The following GNAL variants were observed in gnomAD, a reference collection of about 807,000 sequenced individuals.
GNAL encodes the protein guanine nucleotide-binding protein G(olf) subunit alpha.
A neutral mutation model predicts 55.1 loss-of-function variants in GNAL; 18 were observed. The ratio of observed to expected loss-of-function variants is 0.33; its 90% CI spans 0.23 to 0.48. The LOEUF (loss-of-function observed/expected upper bound fraction) is 0.48, where lower values mean the gene tolerates loss of function less well. Among genes scored for constraint, GNAL ranks in the 20% least tolerant of loss-of-function variants. The pLI is 0.99. For missense variants in GNAL, 412 were observed against 614.1 expected, an observed-to-expected ratio of 0.67 and a Z score of 3.48; for synonymous variants, 253 against 237.0, an observed-to-expected ratio of 1.07 and a Z score of -0.62.
intron 1 of GNAL, among the ~76,000 whole-genome samples, chr18:11,726,302 T>A (rs2032210060): frequency 6.6e-6 from 1 of 152,236 alleles, no homozygotes; most frequent in African/African-American, 2.4e-5. Context: ...TGGTGAACAA[T>A]AATTCACCAT....
In GNAL at chr18:11,689,920, G is replaced by A. The variant is rs747999584; in HGVS notation, c.357G>A (p.Thr119=). The A allele has an allele frequency of 1.4e-6, 2 of 1,427,222 alleles. No homozygotes were observed. Among genetic ancestry groups the A allele is most frequent in the East Asian group, 3.0e-5 (1 of 33,044 alleles). The allele number at this position is 1,427,222 out of a possible 1,614,324, so 88.4% of individuals were successfully genotyped here. A position where few individuals can be genotyped will look rare whatever the true frequency, so the allele number is the denominator to read the frequency against. The change falls in exon 1 of 12, where the codon ACG becomes ACA. Residue 119 remains threonine (T), a synonymous_variant. Coordinates refer to ENST00000334049, the MANE Select transcript of GNAL (RefSeq NM_182978.4). ...ACCAGAAGCGCGACCTGCAGCAGAC[G>A]CACCGGCTCCTGCTGCTCGGTAGGT... ...LRDQKRDLQQ[T]HRLLLLGAGE...
intron 1 of GNAL, 135 bp downstream of exon 1, chr18:11,690,074 CCGGACGGGCGGCGGGCG>C (rs1598395176): frequency 2.3e-6 from 1 of 434,822 alleles, no homozygotes. Context: ...GGGACTGGAC[CCGGACGGGCGGCGGGCG>C]CGGACGGGCT....
chr18:11,704,836 A>C (rs1009167042), intron 1 of GNAL, among the ~76,000 whole-genome samples: 4 of 152,014 alleles, frequency 2.6e-5, no homozygotes, highest in African/African-American at 9.7e-5. Context: ...CATACAGAAA[A>C]CAGCACATAT....
At chr18:11,796,741 T>C (rs565237195) in intron 4 of GNAL, among the ~76,000 whole-genome samples, 75 of 152,304 alleles carry the variant, frequency 4.9e-4, no homozygotes, top group African/African-American at 1.7e-3. Context: ...AAACCTGCTT[T>C]TTAAACTTAT....
At chr18:11,878,876 A>G (rs2036592404) in intron 11 of GNAL, among the ~76,000 whole-genome samples, 1 of 150,956 alleles carries the variant, frequency 6.6e-6, no homozygotes. Context: ...CCAAAAGCCT[A>G]TTTTTCATCC....
At chr18:11,738,247 C>T (rs879613831) in intron 1 of GNAL, among the ~76,000 whole-genome samples, 2 of 152,318 alleles carry the variant, frequency 1.3e-5, no homozygotes, top group South Asian at 2.1e-4. Flanking sequence ...CAAGCAGGCC[C>T]CAAAGGCCTC....
chr18:11,773,660 T>C (rs776913660), intron 4 of GNAL, among the ~76,000 whole-genome samples: 1 of 152,156 alleles, frequency 6.6e-6, no homozygotes, highest in Non-Finnish European at 1.5e-5. Flanking sequence ...GTTGTATGCC[T>C]GTGGTCCCAG....
chr18:11,758,905 G>A (rs1256241621), intron 4 of GNAL, among the ~76,000 whole-genome samples: 1 of 152,214 alleles, frequency 6.6e-6, no homozygotes, highest in Non-Finnish European at 1.5e-5. Flanking sequence ...GGGCATGGTG[G>A]CTCACACCTG....
At chr18:11,753,351 G>A (rs577184851) in intron 2 of GNAL, among the ~76,000 whole-genome samples, 3 of 152,218 alleles carry the variant, frequency 2.0e-5, no homozygotes, top group South Asian at 4.1e-4. Context: ...AATATCCATA[G>A]CGATTTTGCC....
chr18:11,757,192 A>G (rs1407983451), intron 4 of GNAL, among the ~76,000 whole-genome samples: 1 of 152,218 alleles, frequency 6.6e-6, no homozygotes, highest in Non-Finnish European at 1.5e-5. Flanking sequence ...GTTGAATTCC[A>G]TGAATCTGAA....
chr18:11,704,261 A>C (rs1031530444), intron 1 of GNAL, among the ~76,000 whole-genome samples: 1 of 152,168 alleles, frequency 6.6e-6, no homozygotes, highest in African/African-American at 2.4e-5. Flanking sequence ...CCACATATGG[A>C]TTATACCCTA....
At chr18:11,848,609 A>C (rs1296193657) in intron 5 of GNAL, among the ~76,000 whole-genome samples, 1 of 151,816 alleles carries the variant, frequency 6.6e-6, no homozygotes, top group Admixed American at 6.6e-5. Context: ...GGCATGCACC[A>C]CCACACCCAG....
At chr18:11,690,030 CGGGGAGCGGCGGCGGGA>C in intron 1 of GNAL, 91 bp downstream of exon 1, 124 of 701,508 alleles carry the variant, frequency 1.8e-4, no homozygotes, top group Non-Finnish European at 2.0e-4. Context: ...TGGCGGGCAC[CGGGGAGCGGCGGCGGGA>C]GGGGCTCCTG....
chr18:11,724,669 G>A (rs374271061), intron 1 of GNAL, among the ~76,000 whole-genome samples: 4 of 152,184 alleles, frequency 2.6e-5, no homozygotes, highest in East Asian at 3.9e-4. Context: ...TGGTGCCTTC[G>A]GGGCCTGCTC....
At chr18:11,794,668 G>A (rs149031388) in intron 4 of GNAL, among the ~76,000 whole-genome samples, 78 of 149,364 alleles carry the variant, frequency 5.2e-4, no homozygotes, top group African/African-American at 1.9e-3. Flanking sequence ...GTTACACAAC[G>A]CTGTAAATAC....
intron 11 of GNAL, among the ~76,000 whole-genome samples, chr18:11,879,163 G>T (rs1233784633): frequency 1.4e-5 from 2 of 146,914 alleles, no homozygotes; most frequent in East Asian, 3.9e-4. Flanking sequence ...GTGTCCATAA[G>T]TTTTTTTTTT....
At chr18:11,773,526 G>C (rs947304744) in intron 4 of GNAL, among the ~76,000 whole-genome samples, 6 of 152,158 alleles carry the variant, frequency 3.9e-5, no homozygotes, top group Non-Finnish European at 7.3e-5. Flanking sequence ...AGCACTTGGG[G>C]AGTCCGAGGT....
chr18:11,806,278 C>G (rs755966570), intron 4 of GNAL, among the ~76,000 whole-genome samples: 5 of 152,166 alleles, frequency 3.3e-5, no homozygotes, highest in Non-Finnish European at 5.9e-5. Flanking sequence ...GATATTTTCA[C>G]TCATTCTGCA....
chr18:11,781,993 G>C (rs1234051503), intron 4 of GNAL, among the ~76,000 whole-genome samples: 1 of 152,208 alleles, frequency 6.6e-6, no homozygotes, highest in African/African-American at 2.4e-5. Flanking sequence ...TACATAATAT[G>C]TGGAATATCC....
Sources: allele counts gnomAD v4.1 joint callset (sites outside exome capture counted in the v4.1 genomes callset), GRCh38; gene constraint gnomAD v4.1.1; transcripts MANE v1.5; gene names NCBI Gene and HGNC (gene_info 2026-07-23, HGNC 2026-07-21).